Variants in ANO4 observed in about 807,000 individuals in gnomAD.
ANO4 encodes the protein anoctamin-4.
A neutral mutation model predicts 141.9 loss-of-function variants in ANO4; 69 were observed. The ratio of observed to expected loss-of-function variants is 0.49; its 90% CI spans 0.40 to 0.59. ANO4 has a LOEUF of 0.59. Among genes scored for constraint, ANO4 ranks in the 20% least tolerant of loss-of-function variants. The probability of loss-of-function intolerance (pLI) is 0.00; values close to 1 mark genes in which losing one functional copy is unlikely to be tolerated. For synonymous variants in ANO4, 350 were observed against 394.3 expected, an observed-to-expected ratio of 0.89 and a Z score of 1.33; for missense variants, 894 against 1,162.2, an observed-to-expected ratio of 0.77 and a Z score of 3.36.
At chr12:100,726,150 G>T (rs114278499) in intron 1 of ANO4, among the ~76,000 whole-genome samples, 2 of 152,104 alleles carry the variant, frequency 1.3e-5, no homozygotes, top group African/African-American at 4.8e-5. Flanking sequence ...TGGTAGTTAC[G>T]TGATGTGTTC....
At chr12:101,015,869 TGA>T (rs368966067) in intron 8 of ANO4, among the ~76,000 whole-genome samples, 3 of 151,104 alleles carry the variant, frequency 2.0e-5, no homozygotes, top group South Asian at 2.1e-4. Flanking sequence ...TGTGTGTGTA[TGA>T]GAGAGAGAGA....
chr12:101,080,883 T>TTATATA (rs1463149041), intron 15 of ANO4, among the ~76,000 whole-genome samples: 2,751 of 73,990 alleles, frequency 0.037, 65 homozygotes, highest in Non-Finnish European at 0.039. Context: ...TATATATATA[T>TTATATA]TATATATATA....
chr12:100,800,359 A>C (rs2034606711), intron 1 of ANO4, among the ~76,000 whole-genome samples: 1 of 152,192 alleles, frequency 6.6e-6, no homozygotes, highest in Non-Finnish European at 1.5e-5. Flanking sequence ...TGAGGAGTTC[A>C]GAGTCTACTT....
chr12:100,859,126 T>G (rs2038338784), intron 1 of ANO4: 1 of 152,144 alleles, frequency 6.6e-6, no homozygotes, highest in Non-Finnish European at 1.5e-5. Flanking sequence ...CTCCCTTCCT[T>G]TTTTGGGCTA....
At chr12:100,848,694 T>C (rs188469713) in intron 1 of ANO4, among the ~76,000 whole-genome samples, 1 of 152,324 alleles carries the variant, frequency 6.6e-6, no homozygotes, top group Non-Finnish European at 1.5e-5. Flanking sequence ...CACACTCTTC[T>C]ACTGAGCCAT....
intron 1 of ANO4, among the ~76,000 whole-genome samples, chr12:100,867,356 T>A (rs1442511787): frequency 6.6e-6 from 1 of 152,066 alleles, no homozygotes; most frequent in Non-Finnish European, 1.5e-5. Context: ...TCAGTTCATG[T>A]CCAAAGGCCT....
At chr12:100,923,210 A>G (rs1461390029) in intron 3 of ANO4, among the ~76,000 whole-genome samples, 2 of 152,092 alleles carry the variant, frequency 1.3e-5, no homozygotes, top group African/African-American at 2.4e-5. Context: ...ATAGGTATAC[A>G]TGTGCCATGT....
At chr12:100,781,842 A>G (rs937313433) in intron 3 of ANO4, among the ~76,000 whole-genome samples, 6 of 152,242 alleles carry the variant, frequency 3.9e-5, no homozygotes, top group South Asian at 4.1e-4. Flanking sequence ...GACAAATTCA[A>G]CTGTCTATCA....
intron 3 of ANO4, among the ~76,000 whole-genome samples, chr12:100,773,904 T>C (rs917343413): frequency 1.3e-5 from 2 of 152,234 alleles, no homozygotes; most frequent in African/African-American, 4.8e-5. Flanking sequence ...AACTATTACC[T>C]GTGTGCTAAA....
At chr12:100,948,958 A>G (rs546578388) in intron 5 of ANO4, among the ~76,000 whole-genome samples, 1 of 152,312 alleles carries the variant, frequency 6.6e-6, no homozygotes, top group South Asian at 2.1e-4. Context: ...GCTTTGAAGA[A>G]GTAAGCTACC....
intron 18 of ANO4, among the ~76,000 whole-genome samples, chr12:101,095,329 A>G (rs1023045551): frequency 6.6e-5 from 10 of 152,186 alleles, no homozygotes; most frequent in African/African-American, 2.4e-4. Flanking sequence ...GTAACTGCCC[A>G]TTGGTAGACA....
chr12:101,111,517 CCT>C, intron 23 of ANO4, 44 bp from the exon 24 acceptor site: 1 of 1,466,730 alleles, frequency 6.8e-7, no homozygotes, highest in Non-Finnish European at 9.1e-7. Flanking sequence ...ATAATTATCA[CCT>C]CTGTTTTGTG....
At chr12:101,064,988 T>C (rs2048517519) in intron 14 of ANO4, among the ~76,000 whole-genome samples, 2 of 152,206 alleles carry the variant, frequency 1.3e-5, no homozygotes, top group Admixed American at 6.5e-5. Context: ...TCACAGTACT[T>C]GTATTCAAGT....
chr12:100,880,744 C>T (rs1426525800), intron 1 of ANO4, among the ~76,000 whole-genome samples: 1 of 152,040 alleles, frequency 6.6e-6, no homozygotes, highest in Non-Finnish European at 1.5e-5. Flanking sequence ...CTGTTGTTGC[C>T]CATATGCAAG....
At chr12:100,983,845 C>T (rs2044590510) in intron 7 of ANO4, among the ~76,000 whole-genome samples, 1 of 152,184 alleles carries the variant, frequency 6.6e-6, no homozygotes, top group Non-Finnish European at 1.5e-5. Context: ...GTCCCTTTTG[C>T]CATGTAACAT....
intron 26 of ANO4, among the ~76,000 whole-genome samples, chr12:101,122,037 G>A (rs968201745): frequency 6.6e-5 from 10 of 152,210 alleles, no homozygotes; most frequent in South Asian, 2.1e-4. Context: ...GATTACAGGC[G>A]TGAGCCACTG....
At chr12:100,920,083 T>A (rs2041561462) in intron 2 of ANO4, among the ~76,000 whole-genome samples, 1 of 152,136 alleles carries the variant, frequency 6.6e-6, no homozygotes. Context: ...CTTCTATTTA[T>A]TAGTCTATTT....
intron 1 of ANO4, among the ~76,000 whole-genome samples, chr12:100,723,289 C>G (rs2030949836): frequency 6.6e-6 from 1 of 152,104 alleles, no homozygotes; most frequent in Admixed American, 6.6e-5. Context: ...GTGGCTTAAA[C>G]AACAGACATT....
chr12:101,016,957 GGTCT>G (rs1457467914), intron 8 of ANO4, among the ~76,000 whole-genome samples: 1 of 152,176 alleles, frequency 6.6e-6, no homozygotes, highest in East Asian at 1.9e-4. Flanking sequence ...TATATGCTGA[GGTCT>G]GTCTGACTGC....
Sources: allele counts gnomAD v4.1 joint callset (sites outside exome capture counted in the v4.1 genomes callset), GRCh38; gene constraint gnomAD v4.1.1; transcripts MANE v1.5; gene names NCBI Gene and HGNC (gene_info 2026-07-23, HGNC 2026-07-21).